Variants in LY9 observed in about 807,000 individuals in gnomAD.
LY9 encodes T-lymphocyte surface antigen Ly-9.
In LY9, 59 loss-of-function variants were observed where a neutral mutation model predicts 64.6. The ratio of observed to expected loss-of-function variants is 0.91; its 90% CI spans 0.74 to 1.13. LY9 has a LOEUF of 1.13. Ranked by LOEUF, LY9 falls within the 50% of genes most tolerant of loss-of-function variation. The pLI, the probability that LY9 is intolerant of heterozygous loss-of-function variation, is 0.00. For synonymous variants in LY9, 281 were observed against 308.5 expected (o/e 0.91, Z 0.93); for missense variants, 789 against 797.2 (o/e 0.99, Z 0.12).
chr1:160,806,052 CTA>C (rs1047390155), intron 2 of LY9, among the ~76,000 whole-genome samples: 1 of 147,952 alleles, frequency 6.8e-6, no homozygotes, highest in African/African-American at 2.5e-5. Context: ...TACTTGTAGT[CTA>C]TATATCTTTA....
chr1:160,813,739 T>C lies in LY9; in HGVS notation c.558T>C (p.Ser186=), dbSNP rs1571019162. The C allele has an allele frequency of 3.1e-6, 5 of 1,614,018 alleles. No individual in the cohort carries two copies. Among genetic ancestry groups the C allele is most frequent in the Admixed American group, 1.7e-5 (1 of 60,000 alleles). ...LMCSVKGAEK[S]VLYSWTPREP... ...GCTCCGTGAAGGGGGCAGAGAAAAGTGTTCTGTACAGCTGGACCCCAAGGG... is the reference window on the plus strand; with the variant it reads ...GCTCCGTGAAGGGGGCAGAGAAAAGCGTTCTGTACAGCTGGACCCCAAGGG... The change falls in exon 3 of 10, where the codon AGT becomes AGC. Residue 186 remains serine (S), a synonymous_variant. Transcript: ENST00000263285.
In LY9 at chr1:160,814,740, C is replaced by G. The variant is rs759620827; in HGVS notation, c.1051C>G (p.His351Asp). Residue 351 changes from histidine to aspartate, a missense_variant, in exon 4 of 10, where the codon CAT becomes GAT. Coordinates refer to ENST00000263285, the MANE Select transcript of LY9 (RefSeq NM_002348.4). ...GGCCTCCAGCGTCACCAGCATGACA[C>G]ATGTCACCCTGCTCATCTACCGTGA... ...SEASSVTSMT[H>D]VTLLIYRRLR... 26 of 1,613,632 alleles carry G rather than the reference C, an allele frequency of 1.6e-5. No homozygotes were observed. Among genetic ancestry groups the G allele is most frequent in the Non-Finnish European group, 9.3e-6 (11 of 1,179,716 alleles).
At chr1:160,814,850 G>A (rs1307074984) in intron 4 of LY9, 89 bp downstream of exon 4, 12 of 1,081,226 alleles carry the variant, frequency 1.1e-5, no homozygotes, top group Non-Finnish European at 1.6e-5. Flanking sequence ...CTTCTCCAAG[G>A]GTCTTCCCTC....
intron 2 of LY9, chr1:160,802,084 C>T (rs1666548600): frequency 2.9e-6 from 4 of 1,385,814 alleles, no homozygotes; most frequent in Admixed American, 3.2e-5. Context: ...CCGCCGCCTC[C>T]CATGGCACGT....
chr1:160,817,394 T>C (rs968450992), intron 5 of LY9, among the ~76,000 whole-genome samples: 6 of 152,216 alleles, frequency 3.9e-5, no homozygotes, highest in Non-Finnish European at 7.3e-5. Flanking sequence ...AAGAAGCAAT[T>C]TGGTGTCTCA....
At chr1:160,808,078 T>A (rs1458684204) in intron 2 of LY9, among the ~76,000 whole-genome samples, 1 of 152,046 alleles carries the variant, frequency 6.6e-6, no homozygotes, top group African/African-American at 2.4e-5. Context: ...GGAATATGCA[T>A]CCCTCTCAGC....
At chr1:160,805,919 C>CTTTTTTTTTTTTTTTTTT (rs60244350) in intron 2 of LY9, among the ~76,000 whole-genome samples, 6 of 72,460 alleles carry the variant, frequency 8.3e-5, no homozygotes, top group African/African-American at 2.8e-4. Context: ...CATTCTTTGT[C>CTTTTTTTTTTTTTTTTTT]TTTTTTTTTT....
At chr1:160,803,545 C>T (rs1666705870) in intron 2 of LY9, among the ~76,000 whole-genome samples, 1 of 152,138 alleles carries the variant, frequency 6.6e-6, no homozygotes, top group South Asian at 2.1e-4. Context: ...TTTTTAATAG[C>T]TATTATAAAC....
chr1:160,800,369 T>C (rs1666337654), intron 2 of LY9: 1 of 316,596 alleles, frequency 3.2e-6, no homozygotes, highest in African/African-American at 2.3e-5. Context: ...CCCTTCTCAG[T>C]CTCTGCTATC....
intron 2 of LY9, 188 bp downstream of exon 2, chr1:160,800,270 T>C: frequency 3.5e-6 from 2 of 574,368 alleles, no homozygotes; most frequent in Non-Finnish European, 6.2e-6. Context: ...CTATCAAAAA[T>C]TGAATTGATT....
chr1:160,802,469 C>T (rs1666591403), intron 2 of LY9: 1 of 985,606 alleles, frequency 1.0e-6, no homozygotes, highest in African/African-American at 1.7e-5. Flanking sequence ...CGGGGCTGCA[C>T]CCATGATGCG....
chr1:160,821,083 G>A (rs1051571894), intron 7 of LY9, among the ~76,000 whole-genome samples: 4 of 145,280 alleles, frequency 2.8e-5, no homozygotes, highest in Non-Finnish European at 6.0e-5. Context: ...AACCTGGAAG[G>A]CAGAGGTTGC....
intron 2 of LY9, chr1:160,813,264 C>T (rs928876298): frequency 7.9e-5 from 18 of 227,686 alleles, no homozygotes; most frequent in Non-Finnish European, 1.5e-4. Context: ...CACTCCATAG[C>T]GTTTGGGGCT....
At chr1:160,802,396 T>A (rs866635688) in intron 2 of LY9, 29 of 986,856 alleles carry the variant, frequency 2.9e-5, no homozygotes, top group Non-Finnish European at 3.4e-5. Context: ...CTCAGCCCAC[T>A]GCGTGGGAGG....
intron 1 of LY9, among the ~76,000 whole-genome samples, chr1:160,796,908 C>T (rs1004563316): frequency 1.3e-5 from 2 of 152,096 alleles, no homozygotes; most frequent in Non-Finnish European, 2.9e-5. Flanking sequence ...AGGAAAATCC[C>T]CTGATGAGAA....
intron 2 of LY9, chr1:160,800,327 A>C: frequency 2.4e-6 from 1 of 419,536 alleles, no homozygotes; most frequent in Non-Finnish European, 4.3e-6. Context: ...ACTTCTCTTC[A>C]TCATCCCCCC....
At chr1:160,822,239 C>G (rs1289512424) in intron 7 of LY9, among the ~76,000 whole-genome samples, 1 of 151,292 alleles carries the variant, frequency 6.6e-6, no homozygotes, top group African/African-American at 2.5e-5. Context: ...AGGAAGGGGT[C>G]TCAGAGGGGT....
rs765423581 is a variant in LY9, at chr1:160,823,447, C to CT, written c.1499-17dup. ...TGGGGTTGGCATACTTTTATCAGCCCTGCACAATGTGTTCCAGAACCCACA... is the reference window on the plus strand; with the variant it reads ...TGGGGTTGGCATACTTTTATCAGCCCTTGCACAATGTGTTCCAGAACCCACA... On this transcript the variant is annotated splice_polypyrimidine_tract_variant and intron_variant, in intron 7 of 9. Coordinates refer to ENST00000263285, the MANE Select transcript of LY9 (RefSeq NM_002348.4). 1 of 1,592,892 alleles carries CT rather than the reference C, an allele frequency of 6.3e-7. No individual in the cohort carries two copies. The highest frequency in any genetic ancestry group is 8.6e-7 in the Non-Finnish European group (1 of 1,164,240).
chr1:160,810,355 G>C (rs1336652344), intron 2 of LY9: 1 of 152,198 alleles, frequency 6.6e-6, no homozygotes, highest in Non-Finnish European at 1.5e-5. Context: ...CCAAGTTCAA[G>C]GTGTTGGCAG....
Sources: gnomAD v4.1 joint callset for allele counts (sites outside exome capture counted in the v4.1 genomes callset) on GRCh38, gnomAD v4.1.1 for gene constraint, MANE v1.5 for transcripts, NCBI Gene and HGNC (gene_info 2026-07-23, HGNC 2026-07-21) for gene names.